The following ZEB1 variants were observed in gnomAD, a reference collection of about 807,000 sequenced individuals.
The protein encoded by ZEB1 is zinc finger E-box binding homeobox 1, also known as zinc finger E-box-binding homeobox 1.
In ZEB1, 21 loss-of-function variants were observed where a neutral mutation model predicts 84.9. The observed-to-expected ratio is 0.25, with a 90% CI of 0.18 to 0.36. The LOEUF (loss-of-function observed/expected upper bound fraction) is 0.36, where lower values mean the gene tolerates loss of function less well. ZEB1 is among the 10% of genes least tolerant of loss of function. The pLI is 1.00. For synonymous variants in ZEB1, 420 were observed against 471.1 expected (o/e 0.89, Z 1.41); for missense variants, 1,104 against 1,330.2 (o/e 0.83, Z 2.65).
chr10:31,411,730 T>G (rs1564767948), intron 1 of ZEB1, among the ~76,000 whole-genome samples: 1 of 149,776 alleles, frequency 6.7e-6, no homozygotes, highest in Non-Finnish European at 1.5e-5. Context: ...AGGAAAGAAC[T>G]AAAATCGACA....
At chr10:31,473,955 G>T (rs1296808671) in intron 2 of ZEB1, among the ~76,000 whole-genome samples, 1 of 152,014 alleles carries the variant, frequency 6.6e-6, no homozygotes, top group Admixed American at 6.6e-5. Flanking sequence ...AACAAGCAAT[G>T]GGGAAAGGAT....
At chr10:31,435,289 A>G (rs562845583) in intron 1 of ZEB1, among the ~76,000 whole-genome samples, 1 of 152,338 alleles carries the variant, frequency 6.6e-6, no homozygotes, top group South Asian at 2.1e-4. Context: ...GAAAGAACAC[A>G]GTTCTGCCAA....
At chr10:31,321,146 C>T (rs1453381024) in intron 1 of ZEB1, 2 of 1,063,848 alleles carry the variant, frequency 1.9e-6, no homozygotes, top group African/African-American at 1.7e-5. Flanking sequence ...TTCTCCCTCC[C>T]CTCTGGGATG....
rs543056172 is a variant in ZEB1, at chr10:31,521,585, A to G, written c.2253A>G (p.Ser751=). 1 of 1,614,162 alleles carries G rather than the reference A, an allele frequency of 6.2e-7. No individual in the cohort carries two copies. The highest frequency in any genetic ancestry group is 1.7e-5 in the Admixed American group (1 of 60,018). ...PKQQGELLER[S]TITSVYQNSV... ...AACAGGGAGAATTATTAGAAAGGTC[A>G]ACTATCACTAGTGTTTACCAGAACA... Residue 751 remains serine (S), a synonymous_variant, in exon 7 of 9, where the codon TCA becomes TCG. Coordinates refer to ENST00000424869, the MANE Select transcript of ZEB1 (RefSeq NM_001174096.2).
chr10:31,394,073 T>A (rs912574253), intron 1 of ZEB1, among the ~76,000 whole-genome samples: 4 of 152,148 alleles, frequency 2.6e-5, no homozygotes, highest in African/African-American at 9.7e-5. Context: ...GTGGAAGTGA[T>A]CAGAACCCAA....
chr10:31,445,562 T>A (rs2059651266), intron 1 of ZEB1, among the ~76,000 whole-genome samples: 1 of 152,148 alleles, frequency 6.6e-6, no homozygotes, highest in Non-Finnish European at 1.5e-5. Context: ...CTGTCATAGA[T>A]AGCTCTTATT....
intron 1 of ZEB1, among the ~76,000 whole-genome samples, chr10:31,324,547 T>G (rs1234117657): frequency 1.3e-5 from 2 of 152,020 alleles, no homozygotes; most frequent in Admixed American, 1.3e-4. Context: ...ATGCAGATGT[T>G]GGAAGAAGAT....
At chr10:31,374,810 A>G (rs755456232) in intron 1 of ZEB1, 4 of 151,742 alleles carry the variant, frequency 2.6e-5, no homozygotes, top group African/African-American at 4.8e-5. Context: ...TAGATTTCTT[A>G]AGAATTTACA....
intron 2 of ZEB1, among the ~76,000 whole-genome samples, chr10:31,482,011 A>G (rs1485490329): frequency 1.3e-5 from 2 of 152,046 alleles, no homozygotes; most frequent in African/African-American, 4.8e-5. Context: ...ATGAGAAAAA[A>G]GATTTTTTGC....
intron 2 of ZEB1, among the ~76,000 whole-genome samples, chr10:31,475,156 C>G (rs2063922462): frequency 6.6e-6 from 1 of 150,720 alleles, no homozygotes; most frequent in African/African-American, 2.5e-5. Flanking sequence ...CACATGTATA[C>G]ATATGTAACT....
chr10:31,442,422 G>C (rs572647513), intron 1 of ZEB1, among the ~76,000 whole-genome samples: 2 of 152,190 alleles, frequency 1.3e-5, no homozygotes, highest in East Asian at 3.9e-4. Context: ...ATGGGGGTAG[G>C]GGGGAGGGAT....
intron 4 of ZEB1, among the ~76,000 whole-genome samples, chr10:31,506,221 A>G (rs937224146): frequency 1.3e-5 from 2 of 152,078 alleles, no homozygotes; most frequent in African/African-American, 4.8e-5. Flanking sequence ...CTGTGTGTTG[A>G]TGACAAGAAT....
chr10:31,391,484 C>A, intron 1 of ZEB1, among the ~76,000 whole-genome samples: 1 of 152,054 alleles, frequency 6.6e-6, no homozygotes, highest in Non-Finnish European at 1.5e-5. Flanking sequence ...GTGAATGTCA[C>A]ACATTTTCAT....
At chr10:31,514,248 A>C (rs1396945324) in intron 5 of ZEB1, among the ~76,000 whole-genome samples, 1 of 152,136 alleles carries the variant, frequency 6.6e-6, no homozygotes, top group Non-Finnish European at 1.5e-5. Flanking sequence ...AAAGCAAACA[A>C]GTTAACCTCT....
chr10:31,500,884 C>T (rs1380204904), intron 3 of ZEB1, among the ~76,000 whole-genome samples: 1 of 152,148 alleles, frequency 6.6e-6, no homozygotes, highest in Non-Finnish European at 1.5e-5. Flanking sequence ...AATTTGGTAA[C>T]TACTGACATG....
chr10:31,473,770 G>T (rs1356331023), intron 2 of ZEB1, among the ~76,000 whole-genome samples: 1 of 150,326 alleles, frequency 6.7e-6, no homozygotes, highest in Non-Finnish European at 1.5e-5. Flanking sequence ...TAAGCCAAAA[G>T]AACAAAGCTG....
chr10:31,458,336 T>TTGTGTGTGTG (rs770656843), intron 1 of ZEB1, among the ~76,000 whole-genome samples: 63 of 102,260 alleles, frequency 6.2e-4, no homozygotes, highest in African/African-American at 4.7e-3. Context: ...TGTGTGTGTG[T>TTGTGTGTGTG]TGTGTGTGTG....
intron 1 of ZEB1, chr10:31,361,036 G>T (rs1410311176): frequency 1.0e-4 from 166 of 1,610,730 alleles, no homozygotes; most frequent in Middle Eastern, 2.2e-4. Flanking sequence ...TCTTATTTTG[G>T]AAGGGATTCT....
intron 4 of ZEB1, among the ~76,000 whole-genome samples, chr10:31,503,284 A>T (rs1179856088): frequency 6.6e-6 from 1 of 152,156 alleles, no homozygotes; most frequent in East Asian, 1.9e-4. Context: ...ATTCTGAATT[A>T]GTTTGAATTA....
Sources: allele counts gnomAD v4.1 joint callset (sites outside exome capture counted in the v4.1 genomes callset), GRCh38; gene constraint gnomAD v4.1.1; transcripts MANE v1.5; gene names NCBI Gene and HGNC (gene_info 2026-07-23, HGNC 2026-07-21).